The following FAT3 variants were observed in gnomAD, a reference collection of about 807,000 sequenced individuals.
The protein encoded by FAT3 is protocadherin Fat 3.
FAT3 carries 95 observed loss-of-function variants against 310.2 expected under a neutral mutation model. The ratio of observed to expected loss-of-function variants is 0.31; its 90% CI spans 0.26 to 0.36. The LOEUF (loss-of-function observed/expected upper bound fraction) is 0.36. Ranked by LOEUF, FAT3 falls within the 10% of genes least tolerant of loss-of-function variation. The pLI, the probability that FAT3 is intolerant of heterozygous loss-of-function variation, is 1.00. For synonymous variants in FAT3, 2,314 were observed against 2,192.9 expected (o/e 1.06, Z -1.54); for missense variants, 5,408 against 5,715.6 (o/e 0.95, Z 1.74).
chr11:92,429,683 T>A (rs1296130162), intron 2 of FAT3, among the ~76,000 whole-genome samples: 1 of 152,194 alleles, frequency 6.6e-6, no homozygotes, highest in Non-Finnish European at 1.5e-5. Flanking sequence ...AAAATTCTTT[T>A]AAGAATGTTG....
At chr11:92,435,507 C>T (rs1165156383) in intron 2 of FAT3, among the ~76,000 whole-genome samples, 4 of 139,272 alleles carry the variant, frequency 2.9e-5, no homozygotes, top group Non-Finnish European at 4.5e-5. Context: ...TCCTTCCTTC[C>T]TTCCTTCCTT....
At chr11:92,592,346 G>A (rs1695607582) in intron 3 of FAT3, among the ~76,000 whole-genome samples, 1 of 104,166 alleles carries the variant, frequency 9.6e-6, no homozygotes, top group Non-Finnish European at 1.8e-5. Flanking sequence ...TTTTGAGATA[G>A]AGTCTCGCTC....
At chr11:92,481,389 T>C (rs1302033121) in intron 2 of FAT3, among the ~76,000 whole-genome samples, 1 of 152,080 alleles carries the variant, frequency 6.6e-6, no homozygotes, top group Non-Finnish European at 1.5e-5. Flanking sequence ...AAAAAAAAAC[T>C]ATTCAGGATA....
At chr11:92,367,148 G>T in intron 2 of FAT3, 1 of 391,568 alleles carries the variant, frequency 2.6e-6, no homozygotes, top group South Asian at 2.2e-5. Flanking sequence ...GCCTTCTCGT[G>T]GCCTGCTGGG....
intron 4 of FAT3, among the ~76,000 whole-genome samples, chr11:92,752,028 A>T (rs186861714): frequency 9.8e-4 from 149 of 152,320 alleles, no homozygotes; most frequent in Non-Finnish European, 1.6e-3. Flanking sequence ...TGCTATCAGT[A>T]TAACCAAAGA....
At chr11:92,427,101 A>G (rs1161859607) in intron 2 of FAT3, among the ~76,000 whole-genome samples, 1 of 151,948 alleles carries the variant, frequency 6.6e-6, no homozygotes, top group African/African-American at 2.4e-5. Flanking sequence ...CATCCCTTGT[A>G]AGTTGTATTC....
chr11:92,358,997 G>A (rs1948808049), intron 2 of FAT3, among the ~76,000 whole-genome samples: 1 of 152,078 alleles, frequency 6.6e-6, no homozygotes, highest in South Asian at 2.1e-4. Context: ...TGTTTGCATT[G>A]GTTAGCAGCT....
intron 3 of FAT3, among the ~76,000 whole-genome samples, chr11:92,601,639 G>A (rs564605678): frequency 3.3e-5 from 5 of 152,216 alleles, no homozygotes; most frequent in Admixed American, 1.3e-4. Flanking sequence ...GTGGTAGGGA[G>A]GTAGTCTGAC....
At chr11:92,598,878 G>A (rs1939861253) in intron 3 of FAT3, among the ~76,000 whole-genome samples, 1 of 152,280 alleles carries the variant, frequency 6.6e-6, no homozygotes, top group South Asian at 2.1e-4. Flanking sequence ...GATTAAGTGA[G>A]GTAGTGGCCA....
At chr11:92,359,370 T>C (rs1052588878) in intron 2 of FAT3, among the ~76,000 whole-genome samples, 11 of 152,262 alleles carry the variant, frequency 7.2e-5, no homozygotes, top group Non-Finnish European at 1.5e-4. Context: ...GCCTTCCGAA[T>C]GGATAAAAAT....
At position 92,818,158 on chromosome 11, in the gene FAT3, A is replaced by G. The variant is rs563545905; in HGVS notation, c.9481+8082A>G. Among the ~76,000 whole-genome samples, 7 of 152,324 alleles carry G rather than the reference A, an allele frequency of 4.6e-5. No individual in the cohort carries two copies. The South Asian group carries it at 1.2e-3, about 27-fold the overall frequency. On this transcript the variant is annotated intron_variant, in intron 13 of 27. Transcript: ENST00000525166. ...TCTCTGTGATGGTGTTTGATGTCAAATCTTCTATCGTCAGCCTTCTGATTT... is the reference window on the plus strand; with the variant it reads ...TCTCTGTGATGGTGTTTGATGTCAAGTCTTCTATCGTCAGCCTTCTGATTT...
intron 3 of FAT3, among the ~76,000 whole-genome samples, chr11:92,654,514 A>C (rs1241184908): frequency 6.6e-6 from 1 of 152,214 alleles, no homozygotes; most frequent in Non-Finnish European, 1.5e-5. Flanking sequence ...CTGCCTAGCT[A>C]TGCAGGCCAA....
chr11:92,502,685 C>T (rs1338109969), intron 2 of FAT3, among the ~76,000 whole-genome samples: 1 of 151,998 alleles, frequency 6.6e-6, no homozygotes, highest in African/African-American at 2.4e-5. Flanking sequence ...CTAACAATTG[C>T]AACTACTGCT....
chr11:92,665,144 G>T (rs2135805450), intron 3 of FAT3, among the ~76,000 whole-genome samples: 1 of 152,230 alleles, frequency 6.6e-6, no homozygotes, highest in Admixed American at 6.5e-5. Flanking sequence ...GATGGAAGAG[G>T]TTAGAAGAAT....
At chr11:92,297,265 G>A (rs1335803846) in intron 1 of FAT3, among the ~76,000 whole-genome samples, 1 of 152,014 alleles carries the variant, frequency 6.6e-6, no homozygotes, top group Non-Finnish European at 1.5e-5. Flanking sequence ...ACTTTTTGGT[G>A]CCAATTTTTC....
intron 9 of FAT3, among the ~76,000 whole-genome samples, chr11:92,794,783 A>G (rs1947127282): frequency 6.6e-6 from 1 of 152,222 alleles, no homozygotes; most frequent in African/African-American, 2.4e-5. Context: ...ACTATTGAGG[A>G]TTACAATGTT....
chr11:92,419,957 C>A (rs1016142276), intron 2 of FAT3, among the ~76,000 whole-genome samples: 2 of 152,164 alleles, frequency 1.3e-5, no homozygotes, highest in South Asian at 2.1e-4. Flanking sequence ...TATAAGAAAT[C>A]ATTTCCTTAA....
chr11:92,343,552 T>A (rs1302596528), intron 1 of FAT3, among the ~76,000 whole-genome samples: 4 of 152,210 alleles, frequency 2.6e-5, no homozygotes, highest in African/African-American at 4.8e-5. Flanking sequence ...AGAAAAATTA[T>A]GAAAATATAT....
At chr11:92,234,065 G>T (rs1864308076) in intron 1 of FAT3, among the ~76,000 whole-genome samples, 1 of 152,140 alleles carries the variant, frequency 6.6e-6, no homozygotes, top group Non-Finnish European at 1.5e-5. Context: ...AACCTAGATT[G>T]TTCTTTATAC....
Sources: gnomAD v4.1 joint callset for allele counts (sites outside exome capture counted in the v4.1 genomes callset) on GRCh38, gnomAD v4.1.1 for gene constraint, MANE v1.5 for transcripts, NCBI Gene and HGNC (gene_info 2026-07-23, HGNC 2026-07-21) for gene names.